The following ARHGEF40 variants were observed in gnomAD, a reference collection of about 807,000 sequenced individuals.
ARHGEF40 encodes the protein Rho guanine nucleotide exchange factor 40.
A neutral mutation model predicts 165.9 loss-of-function variants in ARHGEF40; 98 were observed. The observed-to-expected ratio is 0.59, with a 90% CI of 0.50 to 0.70. ARHGEF40 has a LOEUF of 0.70. Among genes scored for constraint, ARHGEF40 ranks in the 30% least tolerant of loss-of-function variants. ARHGEF40 has a pLI of 0.00. For missense variants in ARHGEF40, 1,815 were observed against 1,968.0 expected (o/e 0.92, Z 1.47); for synonymous variants, 792 against 814.3 (o/e 0.97, Z 0.47).
At position 21,074,823 on chromosome 14, in the gene ARHGEF40, G is replaced by A. The variant is rs1887273029; in HGVS notation, c.1093G>A (p.Ala365Thr). ...AGGAGGAGGAGGAGGAGGCCAGGGGGCTGAAGGACCACCTGGTACCCCTCG... is the reference window on the plus strand; with the variant it reads ...AGGAGGAGGAGGAGGAGGCCAGGGGACTGAAGGACCACCTGGTACCCCTCG... ...LRGGGGGGQG[A>T]EGPPGTPRRT... The change falls in exon 3 of 24, where the codon GCT becomes ACT. Residue 365 changes from alanine (A) to threonine (T), a missense_variant. By Grantham distance (58) the Ala-to-Thr change is moderately conservative. Transcript: ENST00000298694. This position sits in a 1 kb window ranked among gnomAD's most constrained non-coding sequence, Gnocchi z 4.8. The A allele has an allele frequency of 6.2e-7, 1 of 1,606,918 alleles. No individual in the cohort carries two copies. The highest frequency in any genetic ancestry group is 1.3e-5 in the African/African-American group (1 of 74,564).
intron 8 of ARHGEF40, among the ~76,000 whole-genome samples, chr14:21,077,952 A>G (rs536177897): frequency 6.6e-6 from 1 of 152,354 alleles, no homozygotes; most frequent in Admixed American, 6.5e-5. Flanking sequence ...TCATCTCCTT[A>G]AAAATCACAG....
chr14:21,076,161 C>T (rs1887400574), intron 5 of ARHGEF40, among the ~76,000 whole-genome samples, 199 bp from the exon 6 acceptor site: 3 of 152,190 alleles, frequency 2.0e-5, no homozygotes, highest in Admixed American at 2.0e-4. Context: ...TGAATATAGA[C>T]CCCTGACTGC....
At chr14:21,077,868 C>A (rs1887553083) in intron 8 of ARHGEF40, among the ~76,000 whole-genome samples, 5 of 152,208 alleles carry the variant, frequency 3.3e-5, no homozygotes, top group Admixed American at 2.6e-4. Flanking sequence ...GGAAGCCCCA[C>A]TGAAGACAGA....
chr14:21,077,002 T>TTTCCA, intron 8 of ARHGEF40, 112 bp downstream of exon 8: 3 of 813,390 alleles, frequency 3.7e-6, no homozygotes, highest in Non-Finnish European at 6.0e-6. Context: ...AAAAAAGTGG[T>TTTCCA]TTCCATTCCA....
At position 21,081,369 on chromosome 14, in the gene ARHGEF40, G is replaced by T. The variant is rs967937810; in HGVS notation, c.2641-140G>T. Reference sequence around the variant, plus strand: ...CGAGTGACATGGTTAGGCAGTGATGGTGGAACAGTGAGAAAACAGGAGAGT... The same window carrying T: ...CGAGTGACATGGTTAGGCAGTGATGTTGGAACAGTGAGAAAACAGGAGAGT... On this transcript the variant is annotated intron_variant, in intron 13 of 23. Transcript: ENST00000298694. 8.1e-6 allele frequency: 10 copies of T among 1,239,526 alleles called. No homozygotes were observed. The African/African-American group carries it at 1.5e-4, about 19-fold the overall frequency. 76.8% of individuals were successfully genotyped at this position (1,239,526 alleles called of 1,614,324 possible).
intron 19 of ARHGEF40, chr14:21,086,787 G>A (rs562582065): frequency 3.4e-5 from 18 of 534,230 alleles, no homozygotes; most frequent in Non-Finnish European, 5.4e-5. Flanking sequence ...TTGGAGAGAA[G>A]AGCCAGATAT....
chr14:21,087,076 G>C lies in ARHGEF40; in HGVS notation c.4214G>C (p.Arg1405Pro), dbSNP rs763190840. 6.2e-7 allele frequency: 1 copy of C among 1,608,132 alleles called. No individual in the cohort carries two copies. Among genetic ancestry groups the C allele is most frequent in the African/African-American group, 1.3e-5 (1 of 74,994 alleles). The change falls in exon 20 of 24, where the codon CGG becomes CCG. Residue 1405 changes from arginine (R) to proline (P), a missense_variant. Physicochemically the swap from Arg to Pro is moderately radical, Grantham distance 103. Transcript: ENST00000298694. ...CTGGACATCAAAGCCCTTGGGGAGC[G>C]GACGCTGAGTGCCCTGCTCACTGGA... is the stretch of plus-strand genomic sequence containing the variant. Reference protein sequence around the residue: ...PFLDIKALGERTLSALLTGRA... With the variant: ...PFLDIKALGEPTLSALLTGRA...
At chr14:21,065,068 G>C in the ARHGEF40 span, among the ~76,000 whole-genome samples, 7 of 152,222 alleles carry the variant, frequency 4.6e-5, no homozygotes, top group Non-Finnish European at 1.0e-4. Context: ...CTACTTGGGA[G>C]GCTGAGGCAG....
In ARHGEF40 at chr14:21,070,468, C is replaced by T; in HGVS notation, c.3+69C>T. 19 of 1,354,992 alleles carry T rather than the reference C, an allele frequency of 1.4e-5. No individual in the cohort carries two copies. The highest frequency in any genetic ancestry group is 1.7e-5 in the Non-Finnish European group (18 of 1,059,038). 83.9% of individuals were successfully genotyped at this position (1,354,992 alleles called of 1,614,324 possible). A position where few individuals can be genotyped will look rare whatever the true frequency, so the allele number is the denominator to read the frequency against. ...GCAGCCCGCTCCGGGCCCCCAAGTC[C>T]TCAGCCTGGTGCCTCCCGAGCCTGC... On this transcript the variant is annotated intron_variant, in intron 1 of 23. Coordinates refer to ENST00000298694, the MANE Select transcript of ARHGEF40 (RefSeq NM_018071.5). This position sits in a 1 kb window ranked among gnomAD's most constrained non-coding sequence, Gnocchi z 4.7.
intron 16 of ARHGEF40, among the ~76,000 whole-genome samples, chr14:21,083,231 G>A (rs1046391475): frequency 1.3e-5 from 2 of 152,094 alleles, no homozygotes; most frequent in East Asian, 1.9e-4. Context: ...ATCAAAAGAC[G>A]TACAAGTGAC....
Position 21,070,866 on chromosome 14 carries a change from C to G in ARHGEF40, c.3+467C>G. 1 of 1,535,652 alleles carries G rather than the reference C, an allele frequency of 6.5e-7. No homozygotes were observed. The highest frequency in any genetic ancestry group is 8.7e-7 in the Non-Finnish European group (1 of 1,146,858). On this transcript the variant is annotated intron_variant, in intron 1 of 23. Coordinates refer to ENST00000298694, the MANE Select transcript of ARHGEF40 (RefSeq NM_018071.5). The surrounding 1 kb of genome is among the most constrained non-coding windows in gnomAD (Gnocchi z 4.7). ...CCATTTTCCATCCCTGTCCCCAACCCGGTGAGGCAGGCCCACCCATCCGGC... is the reference window on the plus strand; with the variant it reads ...CCATTTTCCATCCCTGTCCCCAACCGGGTGAGGCAGGCCCACCCATCCGGC...
chr14:21,084,294 C>T (rs900254659), intron 17 of ARHGEF40, among the ~76,000 whole-genome samples: 2 of 152,188 alleles, frequency 1.3e-5, no homozygotes, highest in African/African-American at 4.8e-5. Context: ...CTCTCCTGTT[C>T]CTTTCCTAAT....
chr14:21,072,955 A>G lies in ARHGEF40; in HGVS notation c.4-90A>G. 2 of 1,332,384 alleles carry G rather than the reference A, an allele frequency of 1.5e-6. No individual in the cohort carries two copies. The highest frequency in any genetic ancestry group is 2.3e-5 in the East Asian group (1 of 43,082). 82.5% of individuals were successfully genotyped at this position (1,332,384 alleles called of 1,614,324 possible). ...CCACATTGTACAATCGGGGCTTTGGAGAACACAGCCAACCCCAGACCAGTG... is the reference window on the plus strand; with the variant it reads ...CCACATTGTACAATCGGGGCTTTGGGGAACACAGCCAACCCCAGACCAGTG... On this transcript the variant is annotated intron_variant, in intron 1 of 23. Transcript: ENST00000298694. This position sits in a 1 kb window ranked among gnomAD's most constrained non-coding sequence, Gnocchi z 4.1.
At chr14:21,086,954 G>C in intron 19 of ARHGEF40, 47 bp from the exon 20 acceptor site, 1 of 1,473,918 alleles carries the variant, frequency 6.8e-7, no homozygotes, top group South Asian at 1.2e-5. Context: ...GCTAGGGCTA[G>C]AGAGAAGGGC....
At position 21,075,974 on chromosome 14, in the gene ARHGEF40, T is replaced by C. The variant is rs543869311; in HGVS notation, c.1739+209T>C. Among the ~76,000 whole-genome samples the C allele has an allele frequency of 2.0e-5, 3 of 152,328 alleles. No homozygotes were observed. The highest frequency in any genetic ancestry group is 7.2e-5 in the African/African-American group (3 of 41,570). On this transcript the variant is annotated intron_variant, in intron 5 of 23. Transcript: ENST00000298694. This position sits in a 1 kb window ranked among gnomAD's most constrained non-coding sequence, Gnocchi z 4.5. ...ATCTTCAAAAGCAACACTGTTGACT[T>C]TCACTCTCTTCCAACCCTACCAAGA...
In ARHGEF40 at chr14:21,070,402, G is replaced by A; in HGVS notation, c.3+3G>A. ...ACGCGGCCCGGCGCCGAGCCATGGT[G>A]AGTCCAGCGTCGCAGCCCCCTGGGT... On this transcript the variant is annotated splice_donor_region_variant and intron_variant, in intron 1 of 23. Transcript: ENST00000298694. This position sits in a 1 kb window ranked among gnomAD's most constrained non-coding sequence, Gnocchi z 4.7. 6 of 1,418,308 alleles carry A rather than the reference G, an allele frequency of 4.2e-6. No individual in the cohort carries two copies. Among genetic ancestry groups the A allele is most frequent in the Non-Finnish European group, 5.5e-6 (6 of 1,094,954 alleles). 87.9% of individuals were successfully genotyped at this position (1,418,308 alleles called of 1,614,324 possible).
the ARHGEF40 span, among the ~76,000 whole-genome samples, chr14:21,063,228 G>GTGTA: frequency 6.6e-6 from 1 of 152,298 alleles, no homozygotes; most frequent in African/African-American, 2.4e-5. Context: ...ATGTGTGTGT[G>GTGTA]TGTATGTGTG....
In ARHGEF40 at chr14:21,070,324, G is replaced by C; in HGVS notation, c.-73G>C. 1 of 1,388,330 alleles carries C rather than the reference G, an allele frequency of 7.2e-7. No homozygotes were observed. Among genetic ancestry groups the C allele is most frequent in the Non-Finnish European group, 9.3e-7 (1 of 1,074,090 alleles). The allele number at this position is 1,388,330 out of a possible 1,614,324, so 86.0% of individuals were successfully genotyped here. On this transcript the variant is annotated 5_prime_UTR_variant, in exon 1 of 24. Coordinates refer to ENST00000298694, the MANE Select transcript of ARHGEF40 (RefSeq NM_018071.5). The surrounding 1 kb of genome is among the most constrained non-coding windows in gnomAD (Gnocchi z 4.7). ...TAGCCAGACCCGGCGAGACACGAGC[G>C]GCGGGAGGGAGGCGGTGGCGCGCCC...
Position 21,089,017 on chromosome 14 carries a change from AG to A in ARHGEF40, c.*10del, listed in dbSNP as rs980616293. On this transcript the variant is annotated 3_prime_UTR_variant, in exon 24 of 24. Coordinates refer to ENST00000298694, the MANE Select transcript of ARHGEF40 (RefSeq NM_018071.5). ...CCTCTTCTCTCCTGGCTTCTAGAGAAGATCCAGAACTTGCGTGCAGCTTCTC... is the reference window on the plus strand; with the variant it reads ...CCTCTTCTCTCCTGGCTTCTAGAGAAATCCAGAACTTGCGTGCAGCTTCTC... The A allele has an allele frequency of 1.2e-6, 1 of 852,776 alleles. No homozygotes were observed. The allele number at this position is 852,776 out of a possible 1,614,324, so 52.8% of individuals were successfully genotyped here.
Sources: gnomAD v4.1 joint callset for allele counts (sites outside exome capture counted in the v4.1 genomes callset) on GRCh38, gnomAD v4.1.1 for gene constraint, Gnocchi (gnomAD v3.1) non-coding constraint, MANE v1.5 for transcripts, NCBI Gene and HGNC (gene_info 2026-07-23, HGNC 2026-07-21) for gene names.